Variants in EDEM3 observed in about 807,000 individuals in gnomAD.
EDEM3 encodes ER degradation-enhancing alpha-mannosidase-like protein 3.
A neutral mutation model predicts 110.2 loss-of-function variants in EDEM3; 60 were observed. The ratio of observed to expected loss-of-function variants is 0.54; its 90% CI spans 0.44 to 0.67. EDEM3 has a LOEUF of 0.67. Among genes scored for constraint, EDEM3 ranks in the 30% least tolerant of loss-of-function variants. EDEM3 has a pLI of 0.00. For synonymous variants in EDEM3, 352 were observed against 382.9 expected (o/e 0.92, Z 0.94); for missense variants, 996 against 1,121.0 (o/e 0.89, Z 1.59).
intron 1 of EDEM3, among the ~76,000 whole-genome samples, chr1:184,752,929 TCA>T (rs1295551285): frequency 1.3e-5 from 2 of 152,228 alleles, no homozygotes; most frequent in African/African-American, 2.4e-5. Context: ...TGTAAAGTAT[TCA>T]CAGAGTGAGA....
intron 17 of EDEM3, among the ~76,000 whole-genome samples, chr1:184,707,121 G>C (rs1649971665): frequency 6.6e-6 from 1 of 152,062 alleles, no homozygotes; most frequent in Non-Finnish European, 1.5e-5. Flanking sequence ...TGAGACTCAG[G>C]TTACGTAATT....
At chr1:184,746,262 G>GCATTAATAGAACCTTCTATTA (rs1412459059) in intron 2 of EDEM3, among the ~76,000 whole-genome samples, 1 of 152,184 alleles carries the variant, frequency 6.6e-6, no homozygotes, top group African/African-American at 2.4e-5. Context: ...TTAAGAAATA[G>GCATTAATAGAACCTTCTATTA]CATTAATAGA....
At chr1:184,723,645 C>T in intron 8 of EDEM3, 106 bp downstream of exon 8, 1 of 927,046 alleles carries the variant, frequency 1.1e-6, no homozygotes, top group East Asian at 2.7e-5. Context: ...TTGTGAGAAC[C>T]TATGCTTTAT....
intron 1 of EDEM3, 139 bp from the exon 2 acceptor site, chr1:184,749,731 A>G (rs1171916932): frequency 1.5e-6 from 1 of 665,252 alleles, no homozygotes; most frequent in East Asian, 3.0e-5. Flanking sequence ...AGAAAGGGAC[A>G]TAAACAGAAT....
At chr1:184,735,658 AG>A (rs1651782049) in intron 4 of EDEM3, among the ~76,000 whole-genome samples, 1 of 152,200 alleles carries the variant, frequency 6.6e-6, no homozygotes, top group African/African-American at 2.4e-5. Flanking sequence ...AGTAAAATTT[AG>A]GGTAAGTCCT....
chr1:184,715,336 T>C (rs1650487087), intron 13 of EDEM3, among the ~76,000 whole-genome samples: 2 of 152,202 alleles, frequency 1.3e-5, no homozygotes, highest in South Asian at 4.1e-4. Context: ...GTAAATCATG[T>C]CTTCCTCTGC....
chr1:184,712,939 A>G (rs1650338238), intron 13 of EDEM3, among the ~76,000 whole-genome samples: 1 of 152,212 alleles, frequency 6.6e-6, no homozygotes, highest in Non-Finnish European at 1.5e-5. Context: ...TACTAGTGAG[A>G]ATCATATAAG....
intron 19 of EDEM3, among the ~76,000 whole-genome samples, chr1:184,696,436 G>T (rs988624684): frequency 6.6e-6 from 1 of 150,438 alleles, no homozygotes; most frequent in Admixed American, 6.6e-5. Flanking sequence ...ACCTGTTTTT[G>T]TTTTTTTTTA....
chr1:184,737,803 A>G (rs1651919333), intron 2 of EDEM3, 92 bp from the exon 3 acceptor site: 3 of 1,090,166 alleles, frequency 2.8e-6, no homozygotes, highest in African/African-American at 3.1e-5. Flanking sequence ...AAAAAATAAA[A>G]TAATAGTCAA....
At chr1:184,748,562 T>C (rs1452147696) in intron 2 of EDEM3, among the ~76,000 whole-genome samples, 2 of 152,124 alleles carry the variant, frequency 1.3e-5, no homozygotes, top group South Asian at 2.1e-4. Context: ...AAAAAAATCA[T>C]ATCCTAAAAA....
chr1:184,716,165 C>A (rs1007371344), intron 13 of EDEM3, among the ~76,000 whole-genome samples: 2 of 152,142 alleles, frequency 1.3e-5, no homozygotes, highest in Non-Finnish European at 2.9e-5. Flanking sequence ...TTCAGTGATT[C>A]AAAGACAGAA....
intron 6 of EDEM3, among the ~76,000 whole-genome samples, chr1:184,729,279 C>T (rs1387683162): frequency 6.6e-6 from 1 of 152,058 alleles, no homozygotes; most frequent in African/African-American, 2.4e-5. Flanking sequence ...AAAAAGGACA[C>T]TTTTTTATTG....
intron 1 of EDEM3, among the ~76,000 whole-genome samples, chr1:184,753,200 G>A (rs571312219): frequency 6.6e-6 from 1 of 151,308 alleles, no homozygotes; most frequent in South Asian, 2.1e-4. Context: ...TCTGAGCTCA[G>A]ATTTTTTTTT....
chr1:184,734,566 G>T lies in EDEM3; in HGVS notation c.423C>A (p.Val141=). 1 of 1,547,400 alleles carries T rather than the reference G, an allele frequency of 6.5e-7. No individual in the cohort carries two copies. Among genetic ancestry groups the T allele is most frequent in the Non-Finnish European group, 8.7e-7 (1 of 1,143,764 alleles). The change falls in exon 5 of 20, where the codon GTC becomes GTA. Residue 141 remains valine (V), a synonymous_variant. Transcript: ENST00000318130. The stretch of plus-strand genomic sequence containing the variant: ...TGATGTTTGTTTCAAAGACTGATAC[G>T]ACTACATCGTTATCTAAATTAACAT... ...LRDVNLDNDV[V]VSVFETNIRV... is the part of the protein sequence containing the mutation.
At chr1:184,718,154 T>C (rs1278139323) in intron 11 of EDEM3, among the ~76,000 whole-genome samples, 2 of 152,134 alleles carry the variant, frequency 1.3e-5, no homozygotes, top group Admixed American at 6.5e-5. Context: ...AAAATCTCTC[T>C]TAGCAATGTG....
chr1:184,735,985 T>C (rs960210026), intron 4 of EDEM3, among the ~76,000 whole-genome samples: 11 of 152,236 alleles, frequency 7.2e-5, no homozygotes, highest in African/African-American at 2.7e-4. Flanking sequence ...CAGTATTTTC[T>C]CTTTCTCATA....
chr1:184,695,504 C>T (rs1399864851), intron 19 of EDEM3, among the ~76,000 whole-genome samples: 3 of 151,996 alleles, frequency 2.0e-5, no homozygotes, highest in Admixed American at 6.6e-5. Context: ...CTCCCATGTA[C>T]TTTAAATCAT....
intron 2 of EDEM3, among the ~76,000 whole-genome samples, chr1:184,742,632 ACCTGCCTCGG>A (rs1208199938): frequency 6.6e-6 from 1 of 152,102 alleles, no homozygotes; most frequent in Non-Finnish European, 1.5e-5. Flanking sequence ...CAGGTGATCC[ACCTGCCTCGG>A]CCTCCCAAAG....
At chr1:184,721,652 A>T (rs1430117565) in intron 8 of EDEM3, among the ~76,000 whole-genome samples, 1 of 152,020 alleles carries the variant, frequency 6.6e-6, no homozygotes, top group Non-Finnish European at 1.5e-5. Flanking sequence ...ATGAATAGTA[A>T]ATTCACTTAA....
Sources: gnomAD v4.1 joint callset for allele counts (sites outside exome capture counted in the v4.1 genomes callset) on GRCh38, gnomAD v4.1.1 for gene constraint, MANE v1.5 for transcripts, NCBI Gene and HGNC (gene_info 2026-07-23, HGNC 2026-07-21) for gene names.